CHN1: variants seen among roughly 807,000 people sequenced by gnomAD.
The protein encoded by CHN1 is N-chimaerin.
In CHN1, 37 loss-of-function variants were observed where a neutral mutation model predicts 59.5. That is an observed-to-expected ratio of 0.62 (90% CI 0.48 to 0.82). The LOEUF is 0.82. Ranked by LOEUF, CHN1 falls within the 40% of genes least tolerant of loss-of-function variation. The pLI is 0.00. For synonymous variants in CHN1, 206 were observed against 200.4 expected, an observed-to-expected ratio of 1.03 and a Z score of -0.24; for missense variants, 469 against 571.0, an observed-to-expected ratio of 0.82 and a Z score of 1.82.
At position 174,799,887 on chromosome 2, in the gene CHN1, T is replaced by G; in HGVS notation, c.*229A>C. 3 of 629,394 alleles carry G rather than the reference T, an allele frequency of 4.8e-6. No individual in the cohort carries two copies. Among genetic ancestry groups the G allele is most frequent in the South Asian group, 4.5e-5 (3 of 66,016 alleles). 39.0% of individuals were successfully genotyped at this position (629,394 alleles called of 1,614,324 possible). A position where few individuals can be genotyped will look rare whatever the true frequency, so the allele number is the denominator to read the frequency against. Reference sequence around the variant, plus strand: ...GGGCTAATCATGCAATAGCTTGAGTTTCTCTGAACGTGATAAACACCCAGG... The same window carrying G: ...GGGCTAATCATGCAATAGCTTGAGTGTCTCTGAACGTGATAAACACCCAGG... On this transcript the variant is annotated 3_prime_UTR_variant, in exon 13 of 13. Transcript: ENST00000409900.
intron 3 of CHN1, among the ~76,000 whole-genome samples, chr2:174,934,291 T>G (rs559401577): frequency 2.6e-5 from 4 of 152,314 alleles, no homozygotes; most frequent in African/African-American, 9.6e-5. Context: ...CATCAGGCAT[T>G]AGATTTTCAT....
At chr2:174,827,409 G>A (rs1269367322) in intron 7 of CHN1, among the ~76,000 whole-genome samples, 3 of 152,180 alleles carry the variant, frequency 2.0e-5, no homozygotes, top group Admixed American at 1.3e-4. Context: ...CATGAGCTAA[G>A]TCCTGAGTTG....
At chr2:174,948,294 C>T (rs1345458123) in intron 2 of CHN1, among the ~76,000 whole-genome samples, 1 of 152,162 alleles carries the variant, frequency 6.6e-6, no homozygotes, top group African/African-American at 2.4e-5. Flanking sequence ...CAGAGTCTAA[C>T]ATGACAATAA....
intron 1 of CHN1, among the ~76,000 whole-genome samples, chr2:174,981,879 T>C (rs1189884659): frequency 5.3e-5 from 8 of 152,140 alleles, no homozygotes; most frequent in East Asian, 1.9e-4. Flanking sequence ...ATGTGCCATG[T>C]TGGTGTGCTG....
chr2:174,847,610 G>A (rs1686571228), intron 6 of CHN1: 5 of 1,316,668 alleles, frequency 3.8e-6, no homozygotes, highest in Admixed American at 2.5e-5. Context: ...AAGGTGGGGG[G>A]AAGGGAGGGA....
chr2:174,944,987 G>A (rs1424193110), intron 2 of CHN1, 44 bp from the exon 3 acceptor site: 1 of 1,367,274 alleles, frequency 7.3e-7, no homozygotes, highest in Non-Finnish European at 1.0e-6. Flanking sequence ...CCCTTACATA[G>A]AACTTATCAA....
intron 8 of CHN1, among the ~76,000 whole-genome samples, chr2:174,816,484 G>A (rs1477666999): frequency 6.6e-6 from 1 of 152,208 alleles, no homozygotes; most frequent in African/African-American, 2.4e-5. Context: ...CTGCTGGGCT[G>A]CCCTTTTCCC....
At chr2:174,889,900 T>C (rs929088711) in intron 5 of CHN1, among the ~76,000 whole-genome samples, 19 of 151,652 alleles carry the variant, frequency 1.3e-4, no homozygotes, top group Admixed American at 7.9e-4. Flanking sequence ...TGTGTGTGTG[T>C]GCACGCGTGT....
chr2:174,851,561 C>T (rs1182716143), intron 6 of CHN1, among the ~76,000 whole-genome samples: 1 of 152,166 alleles, frequency 6.6e-6, no homozygotes, highest in African/African-American at 2.4e-5. Flanking sequence ...GGATTATAGG[C>T]GTGAGCCATC....
At chr2:174,825,188 A>G (rs1353973251) in intron 7 of CHN1, among the ~76,000 whole-genome samples, 1 of 152,194 alleles carries the variant, frequency 6.6e-6, no homozygotes. Flanking sequence ...GTGCCCATAT[A>G]GAGTATGTCT....
chr2:174,902,992 T>C (rs1372717404), intron 5 of CHN1, among the ~76,000 whole-genome samples: 2 of 152,234 alleles, frequency 1.3e-5, no homozygotes, highest in Admixed American at 1.3e-4. Flanking sequence ...TATCATTTTC[T>C]AAGATAGCAG....
intron 1 of CHN1, among the ~76,000 whole-genome samples, chr2:174,994,566 G>A (rs1143983): frequency 0.023 from 3,565 of 152,252 alleles, 130 homozygotes; most frequent in African/African-American, 0.081. Context: ...AAACTATTAC[G>A]TCACCACACA....
At position 174,799,970 on chromosome 2, in the gene CHN1, C is replaced by G. The variant is rs1401790548; in HGVS notation, c.*146G>C. 1.3e-6 allele frequency: 1 copy of G among 789,816 alleles called. No individual in the cohort carries two copies. The highest frequency in any genetic ancestry group is 2.1e-6 in the Non-Finnish European group (1 of 468,288). 48.9% of individuals were successfully genotyped at this position (789,816 alleles called of 1,614,324 possible). ...TTTACAAGACAGCTGAGCGGTGCTA[C>G]AAAAACAACAGAAAGTTCCTTCACT... is the stretch of plus-strand genomic sequence containing the variant. On this transcript the variant is annotated 3_prime_UTR_variant, in exon 13 of 13. Coordinates refer to ENST00000409900, the MANE Select transcript of CHN1 (RefSeq NM_001822.7).
rs1160804162 is a variant in CHN1, at chr2:174,945,732, A to G, written c.59-789T>C. 2.0e-5 allele frequency among the ~76,000 whole-genome samples: 3 copies of G among 152,022 alleles called. No individual in the cohort carries two copies. In the East Asian group the frequency reaches 5.8e-4, roughly 29 times the overall value. ...ATTTAATACTCTAAATACTTAAGATATTTTGTCAACATAACATCAAACTAC... is the reference window on the plus strand; with the variant it reads ...ATTTAATACTCTAAATACTTAAGATGTTTTGTCAACATAACATCAAACTAC... On this transcript the variant is annotated intron_variant, in intron 2 of 12. Transcript: ENST00000409900.
intron 5 of CHN1, among the ~76,000 whole-genome samples, chr2:174,913,007 A>T (rs1688744893): frequency 6.6e-6 from 1 of 152,212 alleles, no homozygotes; most frequent in South Asian, 2.1e-4. Flanking sequence ...AGCCATGAGT[A>T]GAATGGGAGA....
intron 8 of CHN1, among the ~76,000 whole-genome samples, chr2:174,822,169 T>G (rs149630499): frequency 3.9e-5 from 6 of 152,308 alleles, no homozygotes; most frequent in African/African-American, 1.4e-4. Context: ...GACTTGTGCT[T>G]GTATTACACA....
chr2:174,964,012 G>A (rs1016180141), intron 1 of CHN1, among the ~76,000 whole-genome samples: 5 of 152,170 alleles, frequency 3.3e-5, no homozygotes, highest in Non-Finnish European at 7.3e-5. Context: ...AAGTTAATTC[G>A]TATGTACAGT....
At chr2:174,994,014 T>G (rs1182987975) in intron 1 of CHN1, among the ~76,000 whole-genome samples, 1 of 152,222 alleles carries the variant, frequency 6.6e-6, no homozygotes, top group East Asian at 1.9e-4. Flanking sequence ...ATTTTCATAC[T>G]GAATTCCTAT....
At chr2:174,977,639 C>A (rs879405428) in intron 1 of CHN1, among the ~76,000 whole-genome samples, 1 of 152,122 alleles carries the variant, frequency 6.6e-6, no homozygotes, top group Non-Finnish European at 1.5e-5. Flanking sequence ...TTATGTTAGT[C>A]TTTTTACTTG....
Sources: allele counts gnomAD v4.1 joint callset (sites outside exome capture counted in the v4.1 genomes callset), GRCh38; gene constraint gnomAD v4.1.1; transcripts MANE v1.5; gene names NCBI Gene and HGNC (gene_info 2026-07-23, HGNC 2026-07-21).